The following SPTLC3 variants were observed in gnomAD, a reference collection of about 807,000 sequenced individuals.
SPTLC3 encodes serine palmitoyltransferase 3.
SPTLC3 carries 36 observed loss-of-function variants against 59.3 expected under a neutral mutation model. The observed-to-expected ratio is 0.61, with a 90% CI of 0.47 to 0.80. The LOEUF (loss-of-function observed/expected upper bound fraction) is 0.80. Ranked by LOEUF, SPTLC3 falls within the 30% of genes least tolerant of loss-of-function variation. The pLI is 0.00. For synonymous variants in SPTLC3, 257 were observed against 240.8 expected, an observed-to-expected ratio of 1.07 and a Z score of -0.62; for missense variants, 625 against 685.1, an observed-to-expected ratio of 0.91 and a Z score of 0.98.
At chr20:13,135,435 T>C (rs540260639) in intron 9 of SPTLC3, among the ~76,000 whole-genome samples, 33 of 152,210 alleles carry the variant, frequency 2.2e-4, no homozygotes, top group Admixed American at 7.9e-4. Context: ...GGTGTTGAAA[T>C]GAAATTGGCA....
At chr20:13,077,678 A>C (rs148515681) in intron 4 of SPTLC3, among the ~76,000 whole-genome samples, 3 of 152,338 alleles carry the variant, frequency 2.0e-5, no homozygotes, top group African/African-American at 7.2e-5. Flanking sequence ...CTGGGCAACC[A>C]ACATAGCAAG....
At chr20:13,031,311 T>C (rs1046923137) in intron 1 of SPTLC3, among the ~76,000 whole-genome samples, 2 of 152,116 alleles carry the variant, frequency 1.3e-5, no homozygotes, top group Admixed American at 1.3e-4. Flanking sequence ...AAACTTAATT[T>C]AAACTATTGA....
chr20:13,073,556 A>T, intron 3 of SPTLC3: 1 of 177,766 alleles, frequency 5.6e-6, no homozygotes, highest in Middle Eastern at 6.6e-4. Flanking sequence ...TTTCCTAAGA[A>T]AGACAATGAT....
At chr20:13,036,588 T>G (rs2122453949) in intron 1 of SPTLC3, among the ~76,000 whole-genome samples, 1 of 152,238 alleles carries the variant, frequency 6.6e-6, no homozygotes. Flanking sequence ...AACAGTAGGC[T>G]ATTAGCAGTT....
chr20:13,101,387 G>C (rs1989595524), intron 6 of SPTLC3, among the ~76,000 whole-genome samples: 1 of 152,232 alleles, frequency 6.6e-6, no homozygotes, highest in Non-Finnish European at 1.5e-5. Flanking sequence ...ATGGTCCCTT[G>C]TGTAAAACTC....
At chr20:13,032,460 C>T (rs564550603) in intron 1 of SPTLC3, among the ~76,000 whole-genome samples, 7 of 152,300 alleles carry the variant, frequency 4.6e-5, no homozygotes, top group Non-Finnish European at 8.8e-5. Flanking sequence ...CTATCAAAGG[C>T]GTTCCATTAT....
intron 9 of SPTLC3, among the ~76,000 whole-genome samples, chr20:13,146,170 C>G (rs1409931249): frequency 6.6e-6 from 1 of 152,124 alleles, no homozygotes; most frequent in Admixed American, 6.5e-5. Context: ...CAAACTAACA[C>G]AGGAACATAA....
At chr20:13,062,207 C>T (rs1040130597) in intron 2 of SPTLC3, among the ~76,000 whole-genome samples, 5 of 152,174 alleles carry the variant, frequency 3.3e-5, no homozygotes, top group Admixed American at 1.3e-4. Context: ...CCAACACAAT[C>T]CCCCATCTCC....
chr20:13,100,621 ATAGAT>A (rs1156692030), intron 6 of SPTLC3, among the ~76,000 whole-genome samples: 3 of 152,220 alleles, frequency 2.0e-5, no homozygotes, highest in African/African-American at 7.2e-5. Flanking sequence ...TTTTATCACC[ATAGAT>A]TAGTTCTTCT....
At chr20:13,053,750 T>C (rs1987600191) in intron 2 of SPTLC3, among the ~76,000 whole-genome samples, 2 of 151,984 alleles carry the variant, frequency 1.3e-5, no homozygotes, top group Admixed American at 6.6e-5. Flanking sequence ...CATACACAAG[T>C]ATCAATAGCC....
Position 13,167,906 on chromosome 20 carries a change from G to T in SPTLC3, c.*3039G>T, listed in dbSNP as rs2039004056. On this transcript the variant is annotated 3_prime_UTR_variant, in exon 12 of 12. Transcript: ENST00000399002. ...CAAACTCTAATTTGATAAACCAATT[G>T]ACTCTAATAGCAGGAACCTTGTTCT... 1 of 152,126 alleles carries T rather than the reference G, an allele frequency of 6.6e-6. No individual in the cohort carries two copies. The highest frequency in any genetic ancestry group is 6.5e-5 in the Admixed American group (1 of 15,268). The allele number at this position is 152,126 out of a possible 1,614,324, so 9.4% of individuals were successfully genotyped here. A position where few individuals can be genotyped will look rare whatever the true frequency, so the allele number is the denominator to read the frequency against.
chr20:13,047,820 A>G (rs1216291511), intron 1 of SPTLC3, among the ~76,000 whole-genome samples: 1 of 152,226 alleles, frequency 6.6e-6, no homozygotes, highest in Non-Finnish European at 1.5e-5. Flanking sequence ...ATGAACACCT[A>G]TATACTCTCC....
At position 13,117,508 on chromosome 20, in the gene SPTLC3, T is replaced by C. The variant is rs752809992; in HGVS notation, c.935T>C (p.Met312Thr). The change falls in exon 8 of 12, where the codon ATG (methionine) becomes ACG (threonine). Residue 312 changes from methionine to threonine, a missense_variant and splice_region_variant. By Grantham distance (81) the Met-to-Thr change is moderately conservative. Transcript: ENST00000399002. The stretch of plus-strand genomic sequence containing the variant: ...GAGCATTTCTCCTTCTGCCCTAGCA[T>C]GGAAGGTTCCATCGTGCATCTGCCC... Reference protein sequence around the residue: ...ILILVEGVYSMEGSIVHLPQI... With the variant: ...ILILVEGVYSTEGSIVHLPQI... The C allele has an allele frequency of 3.2e-6, 5 of 1,585,808 alleles. No homozygotes were observed. In the South Asian group the frequency reaches 4.6e-5, roughly 15 times the overall value.
At chr20:13,153,962 T>C in intron 9 of SPTLC3, 41 bp from the exon 10 acceptor site, 2 of 1,607,136 alleles carry the variant, frequency 1.2e-6, no homozygotes, top group African/African-American at 2.7e-5. Context: ...CTTCCCTCTT[T>C]CTAGTGGGAA....
intron 11 of SPTLC3, among the ~76,000 whole-genome samples, chr20:13,162,599 G>A (rs957957512): frequency 6.6e-6 from 1 of 152,088 alleles, no homozygotes; most frequent in Non-Finnish European, 1.5e-5. Context: ...TGCACTCTGC[G>A]ACCACATTTG....
intron 2 of SPTLC3, among the ~76,000 whole-genome samples, chr20:13,057,650 C>A (rs370255033): frequency 6.6e-6 from 1 of 152,172 alleles, no homozygotes; most frequent in Non-Finnish European, 1.5e-5. Flanking sequence ...TCCAAGACAG[C>A]ACTAAAAAGC....
intron 9 of SPTLC3, among the ~76,000 whole-genome samples, chr20:13,135,963 C>T (rs190848213): frequency 1.3e-3 from 191 of 152,152 alleles, no homozygotes; most frequent in African/African-American, 4.1e-3. Context: ...CCAGTAATGT[C>T]GGAAAGGGAA....
chr20:13,031,994 C>G (rs1986497305), intron 1 of SPTLC3, among the ~76,000 whole-genome samples: 1 of 152,130 alleles, frequency 6.6e-6, no homozygotes, highest in South Asian at 2.1e-4. Context: ...CAGTGATCCA[C>G]CACCTACTTC....
rs189079619 is a variant in SPTLC3 at position 13,085,729 on chromosome 20, T to C, written c.608-5354T>C. ...AAGAGTATGAGCCAGTCAGTATCAA[T>C]AAAAATTCAGTAGACATGCATACAG... is the stretch of plus-strand genomic sequence containing the variant. On this transcript the variant is annotated intron_variant, in intron 4 of 11. Coordinates refer to ENST00000399002, the MANE Select transcript of SPTLC3 (RefSeq NM_018327.4). Among the ~76,000 whole-genome samples the C allele has an allele frequency of 4.6e-5, 7 of 152,320 alleles. No homozygotes were observed. In the East Asian group the frequency reaches 1.4e-3, roughly 29 times the overall value.
Sources: allele counts gnomAD v4.1 joint callset (sites outside exome capture counted in the v4.1 genomes callset), GRCh38; gene constraint gnomAD v4.1.1; transcripts MANE v1.5; gene names NCBI Gene and HGNC (gene_info 2026-07-23, HGNC 2026-07-21).